The following SCART1 variants were observed in gnomAD, a reference collection of about 807,000 sequenced individuals.
The protein encoded by SCART1 is scavenger receptor family member expressed on T cells 1, also known as scavenger receptor cysteine-rich domain-containing protein SCART1.
Under a neutral mutation model 36.2 loss-of-function variants are expected in SCART1, and 62 were observed. The observed-to-expected ratio is 1.71, with a 90% confidence interval of 1.40 to 2.12. The LOEUF (loss-of-function observed/expected upper bound fraction) is 2.12, where lower values mean the gene tolerates loss of function less well. Among genes scored for constraint, SCART1 ranks in the 30% most tolerant of loss-of-function variants. The pLI is 0.00. For missense variants in SCART1, 1,041 were observed against 540.5 expected (o/e 1.93, Z -9.18); for synonymous variants, 487 against 238.7 (o/e 2.04, Z -9.59).
chr10:133,454,921 A>T (rs1850589740), intron 1 of SCART1, among the ~76,000 whole-genome samples: 1 of 152,180 alleles, frequency 6.6e-6, no homozygotes, highest in Non-Finnish European at 1.5e-5. Flanking sequence ...CGCATGCACA[A>T]GGGCCGGAAT....
At chr10:133,458,981 C>T (rs570994683) in intron 4 of SCART1, 40 bp from the exon 5 acceptor site, 12 of 645,070 alleles carry the variant, frequency 1.9e-5, no homozygotes, top group South Asian at 5.2e-5. Flanking sequence ...TGTTCTGGGT[C>T]GGCCGTCTGC....
chr10:133,458,006 G>A, intron 3 of SCART1: 1 of 543,222 alleles, frequency 1.8e-6, no homozygotes, highest in Non-Finnish European at 3.3e-6. Flanking sequence ...TCTGCCTGCT[G>A]CGGTACCCCA....
intron 3 of SCART1, 191 bp from the exon 4 acceptor site, chr10:133,458,169 A>G: frequency 1.4e-6 from 1 of 698,446 alleles, no homozygotes; most frequent in Non-Finnish European, 2.6e-6. Flanking sequence ...TGATGCGGCC[A>G]AGGACGTCTG....
intron 2 of SCART1, 37 bp downstream of exon 2, chr10:133,456,591 GGAGGAGGAGTGGGAGGAC>G: frequency 1.6e-6 from 1 of 622,790 alleles, no homozygotes; most frequent in South Asian, 1.8e-5. Context: ...GGGCTGAGGA[GGAGGAGGAGTGGGAGGAC>G]GAGGAGGAGG....
intron 10 of SCART1, among the ~76,000 whole-genome samples, chr10:133,466,790 C>T (rs573248949): frequency 5.5e-4 from 84 of 152,306 alleles, no homozygotes; most frequent in Non-Finnish European, 1.1e-3. Flanking sequence ...GAGGCCTTCC[C>T]GGAACTGGAG....
exon 6 of SCART1, chr10:133,459,489 C>A (rs1431801272): frequency 1.6e-6 from 1 of 639,380 alleles, no homozygotes; most frequent in Non-Finnish European, 2.8e-6. Context: ...ATCCCCAGGT[C>A]TGGCCCACGC....
chr10:133,459,699 C>T (rs776014307), exon 6 of SCART1: 5 of 700,212 alleles, frequency 7.1e-6, no homozygotes, highest in African/African-American at 1.8e-5. Flanking sequence ...GGCGCTGAGC[C>T]GCGTGCGCTG....
At chr10:133,455,946 C>T (rs1850604109) in intron 1 of SCART1, among the ~76,000 whole-genome samples, 1 of 151,980 alleles carries the variant, frequency 6.6e-6, no homozygotes, top group Non-Finnish European at 1.5e-5. Flanking sequence ...TGGGAGGACC[C>T]ACCCAGCTGC....
chr10:133,469,309 A>T (rs1431087437), downstream of SCART1: 1 of 152,108 alleles, frequency 6.6e-6, no homozygotes, highest in South Asian at 2.1e-4. Context: ...GATTGCAAAA[A>T]TTTTCTCCCA....
At chr10:133,457,989 T>A in intron 3 of SCART1, 3 of 523,538 alleles carry the variant, frequency 5.7e-6, no homozygotes, top group Non-Finnish European at 1.0e-5. Context: ...TGAAATGAGG[T>A]GGATAGTCTG....
At chr10:133,465,030 G>T (rs1325513138) in intron 7 of SCART1, 76 bp from the exon 8 acceptor site, 1 of 700,926 alleles carries the variant, frequency 1.4e-6, no homozygotes, top group East Asian at 2.7e-5. Context: ...GGGCCTGGGG[G>T]TCACTAGGAT....
intron 3 of SCART1, 86 bp from the exon 4 acceptor site, chr10:133,458,274 C>T: frequency 4.3e-6 from 3 of 701,718 alleles, no homozygotes; most frequent in Non-Finnish European, 7.8e-6. Context: ...TGGCTCCTGG[C>T]TGAAGCCTTC....
exon 4 of SCART1, chr10:133,458,520 C>T: frequency 3.0e-6 from 2 of 674,900 alleles, no homozygotes; most frequent in Non-Finnish European, 5.3e-6. Flanking sequence ...CCGAGGGCGC[C>T]CGCTTCGGCC....
chr10:133,458,196 G>A (rs978567708), intron 3 of SCART1, 164 bp from the exon 4 acceptor site: 21 of 700,162 alleles, frequency 3.0e-5, no homozygotes, highest in African/African-American at 7.0e-5. Flanking sequence ...TCTGGGTGCC[G>A]GGTGGAAGGG....
At chr10:133,459,117 T>C (rs981573682) in exon 5 of SCART1, 2 of 702,660 alleles carry the variant, frequency 2.8e-6, no homozygotes, top group African/African-American at 1.7e-5. Context: ...CACTGGGACA[T>C]AGCAGATGCC....
intron 6 of SCART1, among the ~76,000 whole-genome samples, chr10:133,460,496 A>ATATATATATATTTTTTTTTTTT: frequency 3.7e-5 from 5 of 136,006 alleles, no homozygotes; most frequent in South Asian, 5.4e-4. Flanking sequence ...ATATTTATAT[A>ATATATATATATTTTTTTTTTTT]TTTTAAAAAA....
intron 6 of SCART1, among the ~76,000 whole-genome samples, chr10:133,460,976 T>TC (rs371297773): frequency 2.0e-4 from 30 of 152,238 alleles, no homozygotes; most frequent in African/African-American, 6.3e-4. Context: ...ACTCAAGCGA[T>TC]CCACCTGCCT....
exon 12 of SCART1, chr10:133,468,088 A>C: frequency 1.7e-6 from 1 of 572,348 alleles, no homozygotes; most frequent in South Asian, 2.2e-5. Flanking sequence ...AATGTCCTCC[A>C]TGTCCATGTA....
chr10:133,461,745 T>C (rs550950391), intron 6 of SCART1, among the ~76,000 whole-genome samples: 1 of 152,312 alleles, frequency 6.6e-6, no homozygotes, highest in South Asian at 2.1e-4. Flanking sequence ...TCATAAAAGG[T>C]CCATCTTTTT....
Sources: allele counts gnomAD v4.1 joint callset (sites outside exome capture counted in the v4.1 genomes callset), GRCh38; gene constraint gnomAD v4.1.1; transcripts MANE v1.5; gene names NCBI Gene and HGNC (gene_info 2026-07-23, HGNC 2026-07-21).